The following WDPCP variants were observed in gnomAD, a reference collection of about 807,000 sequenced individuals.
The protein encoded by WDPCP is WD repeat-containing and planar cell polarity effector protein fritz homolog.
WDPCP carries 71 observed loss-of-function variants against 93.1 expected under a neutral mutation model. The ratio of observed to expected loss-of-function variants is 0.76; its 90% CI spans 0.63 to 0.93. The LOEUF (loss-of-function observed/expected upper bound fraction) is 0.93. WDPCP is among the 40% of genes least tolerant of loss of function. The probability of loss-of-function intolerance (pLI) is 0.00; values close to 1 mark genes in which losing one functional copy is unlikely to be tolerated. For missense variants in WDPCP, 844 were observed against 887.4 expected (o/e 0.95, Z 0.62); for synonymous variants, 315 against 315.0 (o/e 1.00, Z 0.00).
chr2:63,366,270 A>G (rs192126815), intron 12 of WDPCP, among the ~76,000 whole-genome samples: 1 of 152,282 alleles, frequency 6.6e-6, no homozygotes, highest in Non-Finnish European at 1.5e-5. Flanking sequence ...CTTAGCTAAT[A>G]ACAATGATTT....
intron 12 of WDPCP, among the ~76,000 whole-genome samples, chr2:63,351,184 G>T (rs953844295): frequency 1.6e-4 from 25 of 152,102 alleles, no homozygotes; most frequent in African/African-American, 4.8e-4. Flanking sequence ...GTTTTACCAT[G>T]TTGGTCAGGC....
intron 1 of WDPCP, among the ~76,000 whole-genome samples, chr2:63,522,459 C>CAA (rs2106169430): frequency 6.8e-6 from 1 of 146,414 alleles, no homozygotes; most frequent in East Asian, 2.0e-4. Flanking sequence ...CAGACAGACA[C>CAA]ACACACACAC....
intron 12 of WDPCP, among the ~76,000 whole-genome samples, chr2:63,335,719 C>T (rs538842635): frequency 1.3e-5 from 2 of 152,084 alleles, no homozygotes; most frequent in Admixed American, 6.6e-5. Flanking sequence ...GCACGTGAAC[C>T]GGAGCAACTC....
At chr2:63,685,158 A>G (rs941989543) in intron 2 of WDPCP, among the ~76,000 whole-genome samples, 3 of 152,182 alleles carry the variant, frequency 2.0e-5, no homozygotes, top group African/African-American at 4.8e-5. Flanking sequence ...CAAATAACTA[A>G]TGGAAGGAAA....
intron 3 of WDPCP, among the ~76,000 whole-genome samples, chr2:63,608,321 T>A (rs942948594): frequency 6.6e-6 from 1 of 152,098 alleles, no homozygotes; most frequent in African/African-American, 2.4e-5. Context: ...CATAGTGTTA[T>A]GATGTTAGAA....
At chr2:63,756,056 A>C (rs1309553038) in intron 2 of WDPCP, among the ~76,000 whole-genome samples, 2 of 152,250 alleles carry the variant, frequency 1.3e-5, no homozygotes, top group African/African-American at 4.8e-5. Flanking sequence ...TCTCAGTTGT[A>C]ACAAGAACCT....
chr2:63,656,525 A>G (rs1270123003), intron 2 of WDPCP, among the ~76,000 whole-genome samples: 1 of 152,246 alleles, frequency 6.6e-6, no homozygotes, highest in African/African-American at 2.4e-5. Context: ...ACACACAAAC[A>G]TTGGGATATA....
At chr2:63,623,220 C>A (rs1199816785) in intron 3 of WDPCP, among the ~76,000 whole-genome samples, 1 of 152,194 alleles carries the variant, frequency 6.6e-6, no homozygotes, top group African/African-American at 2.4e-5. Context: ...CTGGTACCTG[C>A]CACTGCAAAA....
intron 1 of WDPCP, among the ~76,000 whole-genome samples, chr2:63,514,861 C>T (rs998923198): frequency 7.9e-5 from 12 of 152,118 alleles, no homozygotes; most frequent in Non-Finnish European, 2.9e-5. Flanking sequence ...TATGAACTAT[C>T]AATTATTCTT....
chr2:63,243,579 C>G (rs1304901411), intron 14 of WDPCP, among the ~76,000 whole-genome samples: 2 of 152,066 alleles, frequency 1.3e-5, no homozygotes, highest in Non-Finnish European at 2.9e-5. Flanking sequence ...AGAAAACAGA[C>G]TTTAAACCAG....
At chr2:63,614,981 T>C (rs1709657186) in intron 3 of WDPCP, among the ~76,000 whole-genome samples, 1 of 152,224 alleles carries the variant, frequency 6.6e-6, no homozygotes, top group Admixed American at 6.5e-5. Flanking sequence ...CATAAAACTT[T>C]GATAAAATAA....
At chr2:63,743,310 G>A (rs141972355) in intron 2 of WDPCP, among the ~76,000 whole-genome samples, 153 of 152,142 alleles carry the variant, frequency 1.0e-3, no homozygotes, top group African/African-American at 3.5e-3. Context: ...TTTCAGTAAG[G>A]TCATCAATGT....
At chr2:63,753,703 T>C (rs1053655284) in intron 2 of WDPCP, among the ~76,000 whole-genome samples, 9 of 152,134 alleles carry the variant, frequency 5.9e-5, no homozygotes, top group African/African-American at 1.9e-4. Context: ...CCAAGGGGGA[T>C]GGTGTTAAGC....
intron 1 of WDPCP, among the ~76,000 whole-genome samples, chr2:63,572,017 AG>A (rs1707543612): frequency 6.6e-6 from 1 of 152,224 alleles, no homozygotes; most frequent in African/African-American, 2.4e-5. Flanking sequence ...TTTAACAGAA[AG>A]GAAAATTACT....
intron 2 of WDPCP, among the ~76,000 whole-genome samples, chr2:63,735,121 C>G (rs1166081988): frequency 6.6e-6 from 1 of 152,098 alleles, no homozygotes; most frequent in Non-Finnish European, 1.5e-5. Flanking sequence ...CTTCTGACCT[C>G]ATGAAAATGA....
intron 2 of WDPCP, among the ~76,000 whole-genome samples, chr2:63,681,966 C>T (rs1205195521): frequency 6.6e-6 from 1 of 151,192 alleles, no homozygotes; most frequent in Non-Finnish European, 1.5e-5. Context: ...TCTGCATGAA[C>T]CACAGTGTCA....
intron 12 of WDPCP, among the ~76,000 whole-genome samples, chr2:63,366,591 A>G (rs1424631199): frequency 6.6e-6 from 1 of 152,166 alleles, no homozygotes; most frequent in Non-Finnish European, 1.5e-5. Context: ...TTCTCACAAC[A>G]TCCCAGTGTG....
At chr2:63,313,455 AG>A in intron 12 of WDPCP, 144 bp from the exon 13 acceptor site, 1 of 816,102 alleles carries the variant, frequency 1.2e-6, no homozygotes, top group Non-Finnish European at 2.0e-6. Flanking sequence ...TTGGCCTACT[AG>A]GATCTTCCAT....
intron 3 of WDPCP, among the ~76,000 whole-genome samples, chr2:63,628,141 G>A (rs957993252): frequency 2.0e-5 from 3 of 152,270 alleles, no homozygotes; most frequent in African/African-American, 7.2e-5. Flanking sequence ...CCTTGTCGCC[G>A]AGGCCCGCAA....
Sources: gnomAD v4.1 joint callset for allele counts (sites outside exome capture counted in the v4.1 genomes callset) on GRCh38, gnomAD v4.1.1 for gene constraint, MANE v1.5 for transcripts, NCBI Gene and HGNC (gene_info 2026-07-23, HGNC 2026-07-21) for gene names.